KCNQ1OT1: variants seen among roughly 807,000 people sequenced by gnomAD.
The protein encoded by KCNQ1OT1 is KCNQ1 antisense RNA 2 (non-protein coding).
Position 2,695,566 on chromosome 11 carries a change from G to GCA in KCNQ1OT1, n.4427_4428dup, listed in dbSNP as rs1488334043. The GCA allele has an allele frequency of 1.0e-5, 4 of 398,466 alleles. No homozygotes were observed. Among genetic ancestry groups the GCA allele is most frequent in the Non-Finnish European group, 1.8e-5 (4 of 226,092 alleles). The allele number at this position is 398,466 out of a possible 1,614,324, so 24.7% of individuals were successfully genotyped here. ...CTATGGGCCATGCTGCCCTGAGCATGCACACACACAGCCTCTCGTTGTTCT... is the reference window on the plus strand; with the variant it reads ...CTATGGGCCATGCTGCCCTGAGCATGCACACACACACAGCCTCTCGTTGTTCT... On this transcript the variant is annotated non_coding_transcript_exon_variant, in exon 1 of 1. Transcript: ENST00000597346. The surrounding 1 kb of genome is among the most constrained non-coding windows in gnomAD (Gnocchi z 5.2).
chr11:2,644,211 TC>T (rs1317852103), exon 1 of KCNQ1OT1: 2 of 398,458 alleles, frequency 5.0e-6, no homozygotes. Context: ...CTCTTCACCT[TC>T]TGGGACACTG....
rs1285056525 is a variant in KCNQ1OT1, at chr11:2,677,271, C to T, written n.22724G>A. 3 of 398,358 alleles carry T rather than the reference C, an allele frequency of 7.5e-6. No individual in the cohort carries two copies. Among genetic ancestry groups the T allele is most frequent in the Non-Finnish European group, 1.3e-5 (3 of 226,056 alleles). 24.7% of individuals were successfully genotyped at this position (398,358 alleles called of 1,614,324 possible). A position where few individuals can be genotyped will look rare whatever the true frequency, so the allele number is the denominator to read the frequency against. ...GTAAAGAGGAACTTATAAAGAGGAACTGTAAATCTTGTCAAAATAGGAGAT... is the reference window on the plus strand; with the variant it reads ...GTAAAGAGGAACTTATAAAGAGGAATTGTAAATCTTGTCAAAATAGGAGAT... On this transcript the variant is annotated non_coding_transcript_exon_variant, in exon 1 of 1. Transcript: ENST00000597346. The surrounding 1 kb of genome is among the most constrained non-coding windows in gnomAD (Gnocchi z 4.5).
chr11:2,629,898 T>C (rs1849325544), exon 1 of KCNQ1OT1: 1 of 398,154 alleles, frequency 2.5e-6, no homozygotes, highest in South Asian at 1.3e-4. Flanking sequence ...TTCTTTCTGA[T>C]TTGAGTGTAT....
At chr11:2,609,719 A>G (rs577308767) in exon 1 of KCNQ1OT1, 25 of 398,360 alleles carry the variant, frequency 6.3e-5, no homozygotes, top group Admixed American at 1.3e-4. Flanking sequence ...AGGTGAATAT[A>G]TGTTTATAAT....
Position 2,626,810 on chromosome 11 carries a change from A to G in KCNQ1OT1, n.73185T>C. 2 of 398,618 alleles carry G rather than the reference A, an allele frequency of 5.0e-6. No homozygotes were observed. Among genetic ancestry groups the G allele is most frequent in the Non-Finnish European group, 8.8e-6 (2 of 226,064 alleles). 24.7% of individuals were successfully genotyped at this position (398,618 alleles called of 1,614,324 possible). A position where few individuals can be genotyped will look rare whatever the true frequency, so the allele number is the denominator to read the frequency against. On this transcript the variant is annotated non_coding_transcript_exon_variant, in exon 1 of 1. Transcript: ENST00000597346. This position sits in a 1 kb window ranked among gnomAD's most constrained non-coding sequence, Gnocchi z 4.0. Reference sequence around the variant, plus strand: ...TCAAAAGTGCTGAGATTACAGGTGTAGGCCATTGTACCTGGCCTGTAGTAA... The same window carrying G: ...TCAAAAGTGCTGAGATTACAGGTGTGGGCCATTGTACCTGGCCTGTAGTAA...
exon 1 of KCNQ1OT1, chr11:2,666,699 C>G: frequency 2.5e-6 from 1 of 398,724 alleles, no homozygotes; most frequent in Admixed American, 4.4e-5. Context: ...ATTTTGGAGA[C>G]ATCCAGGTCC....
Position 2,627,905 on chromosome 11 carries a change from C to A in KCNQ1OT1, n.72090G>T. ...AGCTGGGACCACAGTCATGCACCCC[C>A]ATGCCCAGCTAATTTTTAAAATTTT... On this transcript the variant is annotated non_coding_transcript_exon_variant, in exon 1 of 1. Coordinates refer to ENST00000597346, the Ensembl canonical transcript of KCNQ1OT1. This position sits in a 1 kb window ranked among gnomAD's most constrained non-coding sequence, Gnocchi z 4.9. The A allele has an allele frequency of 2.5e-6, 1 of 398,650 alleles. No individual in the cohort carries two copies. Among genetic ancestry groups the A allele is most frequent in the South Asian group, 1.3e-4 (1 of 7,834 alleles). 24.7% of individuals were successfully genotyped at this position (398,650 alleles called of 1,614,324 possible).
exon 1 of KCNQ1OT1, chr11:2,675,717 G>T (rs1346302023): frequency 1.6e-4 from 62 of 398,568 alleles, no homozygotes. Context: ...TCTTTGTGCT[G>T]GAGCAGCCCC....
Position 2,660,196 on chromosome 11 carries a change from T to C in KCNQ1OT1, n.39799A>G, listed in dbSNP as rs77388263. The C allele has an allele frequency of 4.2e-3, 1,660 of 398,342 alleles. 31 individuals are homozygous for C. The highest frequency in any genetic ancestry group is 0.032 in the African/African-American group (1,537 of 48,696). The allele number at this position is 398,342 out of a possible 1,614,324, so 24.7% of individuals were successfully genotyped here. ...TTTATGTTTTATTTTAGATTTTTTT[T>C]CAGTAAGTTTGTATGTAGTACCCTT... On this transcript the variant is annotated non_coding_transcript_exon_variant, in exon 1 of 1. Transcript: ENST00000597346.
chr11:2,681,375 TG>T, exon 1 of KCNQ1OT1: 1 of 398,502 alleles, frequency 2.5e-6, no homozygotes, highest in Admixed American at 4.4e-5. Context: ...ATGTGGAGGA[TG>T]GCTCTTGGGG....
At position 2,620,169 on chromosome 11, in the gene KCNQ1OT1, T is replaced by C. The variant is rs1433353604; in HGVS notation, n.79826A>G. 3.5e-5 allele frequency: 14 copies of C among 395,888 alleles called. No individual in the cohort carries two copies. In the East Asian group the frequency reaches 3.9e-4, roughly 11 times the overall value. 24.5% of individuals were successfully genotyped at this position (395,888 alleles called of 1,614,324 possible). ...AGATAGTGGCCTCTAGCTGCATCCA[T>C]GTTGCTGCAAAGGACGTAAGTTCAT... On this transcript the variant is annotated non_coding_transcript_exon_variant, in exon 1 of 1. Transcript: ENST00000597346. The surrounding 1 kb of genome is among the most constrained non-coding windows in gnomAD (Gnocchi z 4.5).
rs926917875 is a variant in KCNQ1OT1 at position 2,688,239 on chromosome 11, G to A, written n.11756C>T. 20 of 398,660 alleles carry A rather than the reference G, an allele frequency of 5.0e-5. No individual in the cohort carries two copies. The Admixed American group carries it at 6.6e-4, about 13-fold the overall frequency. The allele number at this position is 398,660 out of a possible 1,614,324, so 24.7% of individuals were successfully genotyped here. ...CCAAAGGTTGTAGCCACTCATACAG[G>A]GCTGTTTGATCTGAGAGGGAGGCGC... On this transcript the variant is annotated non_coding_transcript_exon_variant, in exon 1 of 1. Coordinates refer to ENST00000597346, the Ensembl canonical transcript of KCNQ1OT1.
At chr11:2,662,274 G>A in exon 1 of KCNQ1OT1, 3 of 636,550 alleles carry the variant, frequency 4.7e-6, no homozygotes, top group Non-Finnish European at 8.2e-6. Context: ...TTCCCACTGA[G>A]CCTGGGAACA....
chr11:2,619,587 T>C (rs1849129345), exon 1 of KCNQ1OT1: 1 of 398,476 alleles, frequency 2.5e-6, no homozygotes. Context: ...TTAAGGATTT[T>C]TGCATCGGTA....
At chr11:2,660,516 T>C (rs1849932870) in exon 1 of KCNQ1OT1, 1 of 398,472 alleles carries the variant, frequency 2.5e-6, no homozygotes, top group South Asian at 1.3e-4. Flanking sequence ...GGAGTTAATG[T>C]CTGTAATGTA....
At chr11:2,636,971 A>C (rs1198912941) in exon 1 of KCNQ1OT1, 1 of 152,132 alleles carries the variant, frequency 6.6e-6, no homozygotes, top group African/African-American at 2.4e-5. Flanking sequence ...GTTTATTTGC[A>C]TAGAGGTGTT....
In KCNQ1OT1 at chr11:2,661,856, C is replaced by T; in HGVS notation, n.38139G>A. On this transcript the variant is annotated non_coding_transcript_exon_variant, in exon 1 of 1. Coordinates refer to ENST00000597346, the Ensembl canonical transcript of KCNQ1OT1. The surrounding 1 kb of genome is among the most constrained non-coding windows in gnomAD (Gnocchi z 5.9). ...TTGTCAGGGCTGGAGCTTCCAGGCA[C>T]AAGCTCCACTCCTCACCTGGCCCTG... 3 of 1,436,230 alleles carry T rather than the reference C, an allele frequency of 2.1e-6. No individual in the cohort carries two copies. Among genetic ancestry groups the T allele is most frequent in the Non-Finnish European group, 2.9e-6 (3 of 1,022,078 alleles). The allele number at this position is 1,436,230 out of a possible 1,614,324, so 89.0% of individuals were successfully genotyped here.
rs544453640 is a variant in KCNQ1OT1 at position 2,645,530 on chromosome 11, G to A, written n.54465C>T. The A allele has an allele frequency of 3.5e-4, 140 of 398,750 alleles. 1 individual carries two copies. Among genetic ancestry groups the A allele is most frequent in the African/African-American group, 2.4e-3 (119 of 48,752 alleles). 24.7% of individuals were successfully genotyped at this position (398,750 alleles called of 1,614,324 possible). The stretch of plus-strand genomic sequence containing the variant: ...ACTCTATTGCAGCCCTACTCCTGGG[G>A]AAGTTGAGTGGGATTGCTTTCAGTG... On this transcript the variant is annotated non_coding_transcript_exon_variant, in exon 1 of 1. Transcript: ENST00000597346. The surrounding 1 kb of genome is among the most constrained non-coding windows in gnomAD (Gnocchi z 5.8).
chr11:2,621,842 C>CT lies in KCNQ1OT1; in HGVS notation n.78152dup, dbSNP rs1849177523. On this transcript the variant is annotated non_coding_transcript_exon_variant, in exon 1 of 1. Coordinates refer to ENST00000597346, the Ensembl canonical transcript of KCNQ1OT1. The surrounding 1 kb of genome is among the most constrained non-coding windows in gnomAD (Gnocchi z 5.7). ...AAAATTGAAGTCTTAGTTTTACTGA[C>CT]TTTTTTCCCCTATGGTTTTTCTTTC... 4.3e-5 allele frequency: 17 copies of CT among 398,224 alleles called. No individual in the cohort carries two copies. In the South Asian group the frequency reaches 1.9e-3, roughly 45 times the overall value. The allele number at this position is 398,224 out of a possible 1,614,324, so 24.7% of individuals were successfully genotyped here. A position where few individuals can be genotyped will look rare whatever the true frequency, so the allele number is the denominator to read the frequency against.
Sources: allele counts gnomAD v4.1 joint callset, GRCh38; gene constraint gnomAD v4.1.1; non-coding constraint Gnocchi (gnomAD v3.1); transcripts MANE v1.5; gene names NCBI Gene and HGNC (gene_info 2026-07-23, HGNC 2026-07-21).